PCDH15: variants seen among roughly 807,000 people sequenced by gnomAD.
PCDH15 encodes the protein protocadherin-15.
PCDH15 carries 129 observed loss-of-function variants against 178.5 expected under a neutral mutation model. The observed-to-expected ratio is 0.72, with a 90% CI of 0.63 to 0.84. The LOEUF is 0.84. Ranked by LOEUF, PCDH15 falls within the 40% of genes least tolerant of loss-of-function variation. PCDH15 has a pLI of 0.00. For synonymous variants in PCDH15, 800 were observed against 732.0 expected (o/e 1.09, Z -1.50); for missense variants, 2,230 against 2,099.9 (o/e 1.06, Z -1.21).
At chr10:53,943,424 C>T (rs972943451) in intron 23 of PCDH15, among the ~76,000 whole-genome samples, 2 of 151,480 alleles carry the variant, frequency 1.3e-5, no homozygotes, top group African/African-American at 4.9e-5. Context: ...TGCAATGAGC[C>T]AAGATCACGC....
intron 2 of PCDH15, among the ~76,000 whole-genome samples, chr10:55,419,025 A>T (rs535246278): frequency 6.6e-6 from 1 of 151,792 alleles, no homozygotes; most frequent in South Asian, 2.1e-4. Context: ...CAAAATAGCA[A>T]TTTTTTAAAC....
At chr10:54,391,636 G>A (rs1197315045) in intron 3 of PCDH15, among the ~76,000 whole-genome samples, 1 of 151,382 alleles carries the variant, frequency 6.6e-6, no homozygotes, top group Non-Finnish European at 1.5e-5. Flanking sequence ...TATAACATGA[G>A]CCATGTTTAG....
At chr10:54,383,627 T>TGTGTG (rs1589141516) in intron 3 of PCDH15, among the ~76,000 whole-genome samples, 9,804 of 104,702 alleles carry the variant, frequency 0.094, 556 homozygotes, top group Middle Eastern at 0.21. Flanking sequence ...GTATGTGTGT[T>TGTGTG]TTTGTGTGTG....
intron 2 of PCDH15, among the ~76,000 whole-genome samples, chr10:55,507,495 C>T (rs1037614502): frequency 4.0e-5 from 6 of 151,512 alleles, no homozygotes; most frequent in Non-Finnish European, 7.4e-5. Context: ...ATCAATGTTA[C>T]AAAAATAAAA....
chr10:55,075,891 T>C (rs572678530), intron 2 of PCDH15, among the ~76,000 whole-genome samples: 1 of 152,280 alleles, frequency 6.6e-6, no homozygotes, highest in South Asian at 2.1e-4. Flanking sequence ...CTATCCCTTA[T>C]AGTACTGCTT....
At chr10:53,977,931 G>GTC (rs1292831035) in intron 21 of PCDH15, among the ~76,000 whole-genome samples, 1 of 152,158 alleles carries the variant, frequency 6.6e-6, no homozygotes, top group Non-Finnish European at 1.5e-5. Context: ...TCATATCCAG[G>GTC]TCTCACTGAT....
intron 2 of PCDH15, among the ~76,000 whole-genome samples, chr10:55,024,288 T>A (rs966912898): frequency 2.9e-5 from 4 of 139,254 alleles, no homozygotes; most frequent in African/African-American, 1.0e-4. Flanking sequence ...AAGGAGTATA[T>A]ATATATGAAT....
chr10:55,318,647 T>G (rs1450105439), intron 1 of PCDH15, among the ~76,000 whole-genome samples: 3 of 152,084 alleles, frequency 2.0e-5, no homozygotes, highest in Non-Finnish European at 1.5e-5. Context: ...AAGATGTAAA[T>G]TATGCTTAAT....
intron 13 of PCDH15, among the ~76,000 whole-genome samples, chr10:54,181,539 T>A (rs930056969): frequency 6.6e-6 from 1 of 152,090 alleles, no homozygotes; most frequent in African/African-American, 2.4e-5. Context: ...TTGTCTCTTC[T>A]CCCTCTCTCC....
intron 2 of PCDH15, among the ~76,000 whole-genome samples, chr10:55,429,434 G>T (rs1203718964): frequency 1.3e-5 from 2 of 152,028 alleles, no homozygotes; most frequent in Admixed American, 1.3e-4. Context: ...CACTGTTTCT[G>T]ATGAGAACTC....
At chr10:54,041,821 C>T (rs1171360011) in intron 18 of PCDH15, among the ~76,000 whole-genome samples, 2 of 151,974 alleles carry the variant, frequency 1.3e-5, no homozygotes, top group Non-Finnish European at 2.9e-5. Context: ...AGTTTGGAAT[C>T]CCAACGGTGA....
intron 2 of PCDH15, among the ~76,000 whole-genome samples, chr10:55,047,077 G>T (rs1415990098): frequency 1.3e-5 from 2 of 151,858 alleles, no homozygotes; most frequent in East Asian, 3.9e-4. Flanking sequence ...AAGATTAATT[G>T]AAATTGTTTA....
chr10:55,176,455 C>A (rs975245479), intron 1 of PCDH15, among the ~76,000 whole-genome samples: 4 of 152,136 alleles, frequency 2.6e-5, no homozygotes, highest in Non-Finnish European at 5.9e-5. Flanking sequence ...TGGGCCACAA[C>A]TGCCATACCT....
At chr10:53,860,242 G>A (rs999045651) in intron 27 of PCDH15, among the ~76,000 whole-genome samples, 1 of 152,084 alleles carries the variant, frequency 6.6e-6, no homozygotes, top group Non-Finnish European at 1.5e-5. Flanking sequence ...GTATAGACTG[G>A]TTAGCTGTTC....
intron 2 of PCDH15, among the ~76,000 whole-genome samples, chr10:54,545,223 T>A (rs1401506854): frequency 1.3e-5 from 2 of 152,198 alleles, no homozygotes; most frequent in Non-Finnish European, 2.9e-5. Context: ...GCAAATAATG[T>A]CTTTCTCTAC....
intron 1 of PCDH15, among the ~76,000 whole-genome samples, chr10:55,234,868 T>A (rs1841331839): frequency 6.6e-6 from 1 of 151,750 alleles, no homozygotes; most frequent in African/African-American, 2.4e-5. Flanking sequence ...AAAAGTTTTA[T>A]ATATTATTTT....
chr10:53,905,983 C>T (rs1409567011), intron 25 of PCDH15, among the ~76,000 whole-genome samples: 1 of 152,020 alleles, frequency 6.6e-6, no homozygotes, highest in Non-Finnish European at 1.5e-5. Context: ...CTTAAAAGAA[C>T]TTATACATTT....
In PCDH15 at chr10:54,150,444, G is replaced by T. The variant is rs1016762710; in HGVS notation, c.1784+2656C>A. Among the ~76,000 whole-genome samples the T allele has an allele frequency of 4.0e-5, 6 of 149,926 alleles. No homozygotes were observed. The East Asian group carries it at 7.9e-4, about 20-fold the overall frequency. ...ATTCTTGAGACTTCCTTTTTTTTTT[G>T]AACTAATATTAGTAAACTGTATCTT... On this transcript the variant is annotated intron_variant, in intron 14 of 37. Coordinates refer to ENST00000644397, the MANE Select transcript of PCDH15 (RefSeq NM_001384140.1).
intron 3 of PCDH15, among the ~76,000 whole-genome samples, chr10:54,430,773 G>GA (rs373608905): frequency 4.7e-5 from 7 of 150,130 alleles, no homozygotes; most frequent in African/African-American, 1.5e-4. Context: ...GACAAGAGCA[G>GA]AAAAAAAAAT....
Sources: allele counts gnomAD v4.1 joint callset (sites outside exome capture counted in the v4.1 genomes callset), GRCh38; gene constraint gnomAD v4.1.1; transcripts MANE v1.5; gene names NCBI Gene and HGNC (gene_info 2026-07-23, HGNC 2026-07-21).